The following TTLL9 variants were observed in gnomAD, a reference collection of about 807,000 sequenced individuals.
TTLL9 encodes tubulin tyrosine ligase like 9, also known as probable tubulin polyglutamylase TTLL9.
In TTLL9, 47 loss-of-function variants were observed where a neutral mutation model predicts 65.6. The observed-to-expected ratio is 0.72, with a 90% CI of 0.57 to 0.91. The LOEUF is 0.91. Among genes scored for constraint, TTLL9 ranks in the 40% least tolerant of loss-of-function variants. The pLI is 0.00. For synonymous variants in TTLL9, 179 were observed against 204.8 expected (o/e 0.87, Z 1.07); for missense variants, 537 against 568.8 (o/e 0.94, Z 0.57).
intron 9 of TTLL9, among the ~76,000 whole-genome samples, chr20:31,925,449 C>T (rs906118154): frequency 6.6e-6 from 1 of 152,090 alleles, no homozygotes; most frequent in Non-Finnish European, 1.5e-5. Flanking sequence ...TGTACCTTGC[C>T]CAAGGTCACA....
At position 31,874,780 on chromosome 20, in the gene TTLL9, T is replaced by C. The variant is rs150067128; in HGVS notation, c.69+3585T>C. On this transcript the variant is annotated intron_variant, in intron 2 of 14. Transcript: ENST00000535842. ...CCCAACATAATCACAAGTGTCATTA[T>C]TAGTGAAAGAGGGAGGCAGGAGAGT... Among the ~76,000 whole-genome samples the C allele has an allele frequency of 2.7e-3, 405 of 152,214 alleles. 4 individuals carry two copies. Among genetic ancestry groups the C allele is most frequent in the African/African-American group, 9.5e-3 (394 of 41,542 alleles).
intron 3 of TTLL9, among the ~76,000 whole-genome samples, chr20:31,896,001 G>A (rs1468209693): frequency 6.6e-6 from 1 of 151,996 alleles, no homozygotes; most frequent in Admixed American, 6.6e-5. Flanking sequence ...CACCATGCCC[G>A]GCTAATGTTT....
intron 6 of TTLL9, among the ~76,000 whole-genome samples, chr20:31,911,256 G>A (rs2063641246): frequency 6.6e-6 from 1 of 152,326 alleles, no homozygotes; most frequent in South Asian, 2.1e-4. Context: ...CCTTTCTGGT[G>A]CCACAACTGT....
chr20:31,879,089 G>T (rs2063073959), intron 2 of TTLL9, among the ~76,000 whole-genome samples: 1 of 152,174 alleles, frequency 6.6e-6, no homozygotes, highest in South Asian at 2.1e-4. Flanking sequence ...TTTGGAGGTC[G>T]AGGCAGGTGG....
chr20:31,873,840 G>GAAAGAA (rs2062996879), intron 2 of TTLL9, among the ~76,000 whole-genome samples: 1 of 129,092 alleles, frequency 7.7e-6, no homozygotes, highest in Admixed American at 7.5e-5. Context: ...AAGAAAGAAA[G>GAAAGAA]AAAGAAAGAA....
intron 5 of TTLL9, 100 bp from the exon 6 acceptor site, chr20:31,909,637 G>T: frequency 9.0e-7 from 1 of 1,112,142 alleles, no homozygotes. Context: ...TTGTGGGCCA[G>T]AGCATGGAGG....
chr20:31,939,432 A>G lies in TTLL9; in HGVS notation c.1243+166A>G. The G allele has an allele frequency of 7.0e-6, 5 of 715,968 alleles. No individual in the cohort carries two copies. The Admixed American group carries it at 1.5e-4, about 22-fold the overall frequency. The allele number at this position is 715,968 out of a possible 1,614,324, so 44.4% of individuals were successfully genotyped here. ...ACTTAACCTCTGTTCCTCGTTTTTA[A>G]ACTTGGTTTCTAAAAAGTGAAAACT... On this transcript the variant is annotated intron_variant, in intron 14 of 14. Transcript: ENST00000535842.
intron 2 of TTLL9, among the ~76,000 whole-genome samples, chr20:31,885,599 T>C (rs907944949): frequency 1.3e-5 from 2 of 152,172 alleles, no homozygotes; most frequent in Non-Finnish European, 1.5e-5. Flanking sequence ...GAAACAAGAT[T>C]TCACTGTGTT....
At chr20:31,925,164 T>G in intron 9 of TTLL9, 115 bp downstream of exon 9, 46 of 1,081,796 alleles carry the variant, frequency 4.3e-5, no homozygotes, top group Non-Finnish European at 4.9e-5. Flanking sequence ...GTTTTATCTC[T>G]CCCTGGGAGA....
At chr20:31,871,738 A>G (rs2062936232) in intron 2 of TTLL9, among the ~76,000 whole-genome samples, 1 of 152,228 alleles carries the variant, frequency 6.6e-6, no homozygotes, top group Non-Finnish European at 1.5e-5. Flanking sequence ...AGCATCTAGT[A>G]TATGATAGAG....
At chr20:31,931,256 T>A (rs2064004716) in intron 10 of TTLL9, among the ~76,000 whole-genome samples, 2 of 151,860 alleles carry the variant, frequency 1.3e-5, no homozygotes, top group African/African-American at 4.8e-5. Flanking sequence ...ATTTTTAAAT[T>A]TTTTATAGAG....
chr20:31,881,227 C>T (rs1381915992), intron 2 of TTLL9, among the ~76,000 whole-genome samples: 1 of 152,156 alleles, frequency 6.6e-6, no homozygotes, highest in Non-Finnish European at 1.5e-5. Flanking sequence ...TTCAGAGTGC[C>T]TTGAACTTTG....
intron 4 of TTLL9, among the ~76,000 whole-genome samples, chr20:31,906,919 G>A (rs1045414872): frequency 2.4e-4 from 37 of 152,256 alleles, no homozygotes; most frequent in African/African-American, 8.4e-4. Flanking sequence ...CAAAATACTG[G>A]GATTACAGGT....
In TTLL9 at chr20:31,893,479, C is replaced by T. The variant is rs772712841; in HGVS notation, c.114-4994C>T. Among the ~76,000 whole-genome samples the T allele has an allele frequency of 2.6e-5, 4 of 151,886 alleles. No individual in the cohort carries two copies. In the South Asian group the frequency reaches 8.3e-4, roughly 32 times the overall value. On this transcript the variant is annotated intron_variant, in intron 3 of 14. Transcript: ENST00000535842. Reference sequence around the variant, plus strand: ...CTAATTTTTGTATTTTTAGTAGAGACCAGATTTCTCCATGTTGGTTAGGCT... The same window carrying T: ...CTAATTTTTGTATTTTTAGTAGAGATCAGATTTCTCCATGTTGGTTAGGCT...
chr20:31,887,266 TCA>T (rs1314823228), intron 3 of TTLL9, 27 bp downstream of exon 3: 21 of 1,613,882 alleles, frequency 1.3e-5, no homozygotes, highest in Non-Finnish European at 1.5e-5. Context: ...AATCCAACAA[TCA>T]CAGCGCAACC....
intron 2 of TTLL9, among the ~76,000 whole-genome samples, chr20:31,885,432 G>A (rs1379182567): frequency 6.6e-6 from 1 of 152,184 alleles, no homozygotes; most frequent in Non-Finnish European, 1.5e-5. Context: ...AATTCAATGA[G>A]GAGAGGAAAA....
At chr20:31,906,258 G>A (rs1276936698) in intron 4 of TTLL9, among the ~76,000 whole-genome samples, 2 of 152,154 alleles carry the variant, frequency 1.3e-5, no homozygotes, top group African/African-American at 4.8e-5. Context: ...GGCATCAGCT[G>A]GGAAGAGTCC....
At chr20:31,909,614 T>C in intron 5 of TTLL9, 123 bp from the exon 6 acceptor site, 4 of 799,752 alleles carry the variant, frequency 5.0e-6, no homozygotes, top group Non-Finnish European at 7.9e-6. Flanking sequence ...AAGTTACTCT[T>C]ACTGTTGCTA....
At chr20:31,917,680 T>C (rs1478200704) in intron 6 of TTLL9, among the ~76,000 whole-genome samples, 4 of 151,962 alleles carry the variant, frequency 2.6e-5, no homozygotes, top group Non-Finnish European at 5.9e-5. Flanking sequence ...TACTTGGTAT[T>C]GTCTGTCTTT....
Sources: gnomAD v4.1 joint callset for allele counts (sites outside exome capture counted in the v4.1 genomes callset) on GRCh38, gnomAD v4.1.1 for gene constraint, MANE v1.5 for transcripts, NCBI Gene and HGNC (gene_info 2026-07-23, HGNC 2026-07-21) for gene names.